Variants in TEF observed in about 807,000 individuals in gnomAD.
TEF encodes the protein TEF transcription factor, PAR bZIP family member.
Under a neutral mutation model 20.8 loss-of-function variants are expected in TEF, and 3 were observed. That is an observed-to-expected ratio of 0.14 (90% CI 0.07 to 0.37). The LOEUF (loss-of-function observed/expected upper bound fraction) is 0.37. Among genes scored for constraint, TEF ranks in the 10% least tolerant of loss-of-function variants. The pLI is 1.00. For synonymous variants in TEF, 180 were observed against 171.1 expected (o/e 1.05, Z -0.41); for missense variants, 296 against 397.9 (o/e 0.74, Z 2.18).
chr22:41,390,062 G>C (rs1370511526), intron 2 of TEF, among the ~76,000 whole-genome samples: 1 of 151,950 alleles, frequency 6.6e-6, no homozygotes, highest in Admixed American at 6.6e-5. Flanking sequence ...ACCACTCCTG[G>C]CTTATTTTTG....
upstream of TEF, among the ~76,000 whole-genome samples, chr22:41,381,413 C>G (rs1315427608): frequency 1.3e-5 from 2 of 152,316 alleles, no homozygotes; most frequent in African/African-American, 2.4e-5. Context: ...GCCCCCTCCC[C>G]CCGCGACCAG....
At chr22:41,369,119 G>C in intron 1 of TEF, 1 of 985,434 alleles carries the variant, frequency 1.0e-6, no homozygotes, top group Non-Finnish European at 1.2e-6. Flanking sequence ...GAGGCTGCCA[G>C]TGGGGCAGGG....
intron 1 of TEF, 79 bp from the exon 2 acceptor site, chr22:41,387,272 C>G: frequency 6.8e-7 from 1 of 1,480,314 alleles, no homozygotes; most frequent in Middle Eastern, 2.3e-4. Context: ...ATGGGCCAGG[C>G]CTGTGAGGCT....
At chr22:41,377,340 G>A (rs1298741512), upstream of TEF, 4 of 152,286 alleles carry the variant, frequency 2.6e-5, no homozygotes, top group South Asian at 6.2e-4. Flanking sequence ...TGCCCAGGCT[G>A]GGCTACTGTT....
At chr22:41,391,345 T>TTA in intron 2 of TEF, among the ~76,000 whole-genome samples, 2 of 151,578 alleles carry the variant, frequency 1.3e-5, no homozygotes, top group Admixed American at 6.6e-5. Flanking sequence ...TTTTTTTTTT[T>TTA]AAGACAGTCT....
chr22:41,395,129 C>T (rs2037211759), intron 3 of TEF, among the ~76,000 whole-genome samples: 1 of 152,162 alleles, frequency 6.6e-6, no homozygotes, highest in Admixed American at 6.5e-5. Context: ...GCCTCACCCT[C>T]CTGAGTAGCT....
intron 1 of TEF, among the ~76,000 whole-genome samples, chr22:41,386,915 G>A (rs919177749): frequency 1.3e-5 from 2 of 151,078 alleles, no homozygotes; most frequent in African/African-American, 2.4e-5. Flanking sequence ...ATGGTGGTGC[G>A]TACCTGTAAT....
intron 1 of TEF, chr22:41,369,351 T>A: frequency 2.7e-6 from 2 of 734,304 alleles, no homozygotes; most frequent in Non-Finnish European, 3.3e-6. Flanking sequence ...TGGCAAGCTG[T>A]GGCCGAGAAT....
chr22:41,395,157 C>T (rs2037212001), intron 3 of TEF, among the ~76,000 whole-genome samples: 1 of 152,116 alleles, frequency 6.6e-6, no homozygotes, highest in Non-Finnish European at 1.5e-5. Context: ...CAGATGTGCA[C>T]CACCACGCCG....
chr22:41,382,258 G>C, intron 1 of TEF, 57 bp downstream of exon 1: 11 of 538,578 alleles, frequency 2.0e-5, no homozygotes, highest in African/African-American at 2.1e-5. Context: ...CAGGGGCGGG[G>C]CCTCGTGAGG....
At chr22:41,390,150 A>G (rs2037148545) in intron 2 of TEF, among the ~76,000 whole-genome samples, 2 of 152,028 alleles carry the variant, frequency 1.3e-5, no homozygotes, top group African/African-American at 2.4e-5. Context: ...CTCACCTTCC[A>G]AAGTTCTGGG....
intron 1 of TEF, among the ~76,000 whole-genome samples, chr22:41,375,049 C>T (rs2036924073): frequency 6.6e-6 from 1 of 152,212 alleles, no homozygotes; most frequent in East Asian, 1.9e-4. Flanking sequence ...TCCCCTCCAG[C>T]ACGTCTTTGA....
chr22:41,395,649 A>G (rs2145993543), intron 3 of TEF, 96 bp from the exon 4 acceptor site: 2 of 1,269,450 alleles, frequency 1.6e-6, no homozygotes, highest in South Asian at 1.3e-5. Context: ...CTCTGGCCAC[A>G]CCAGATGAGT....
At chr22:41,387,694 C>T (rs2037114725) in intron 2 of TEF, 26 bp downstream of exon 2, 2 of 1,582,872 alleles carry the variant, frequency 1.3e-6, no homozygotes, top group Non-Finnish European at 1.7e-6. Context: ...TCGAGGAGGG[C>T]CACCTGTCCC....
chr22:41,368,141 G>T (rs553659908), intron 1 of TEF, among the ~76,000 whole-genome samples: 1 of 152,174 alleles, frequency 6.6e-6, no homozygotes, highest in African/African-American at 2.4e-5. Flanking sequence ...GGCAAAACGC[G>T]CGAGGGAGGA....
intron 1 of TEF, among the ~76,000 whole-genome samples, chr22:41,384,373 G>C (rs2037070688): frequency 6.6e-6 from 1 of 152,002 alleles, no homozygotes; most frequent in African/African-American, 2.4e-5. Flanking sequence ...CTTTGTGACT[G>C]AGACAATTGG....
chr22:41,368,552 C>T (rs2036846477), intron 1 of TEF, among the ~76,000 whole-genome samples: 1 of 152,194 alleles, frequency 6.6e-6, no homozygotes, highest in African/African-American at 2.4e-5. Flanking sequence ...ACAGATCCCA[C>T]AGCCCCCGGC....
chr22:41,375,521 C>T (rs1446807958), intron 1 of TEF, among the ~76,000 whole-genome samples: 4 of 152,178 alleles, frequency 2.6e-5, no homozygotes, highest in East Asian at 3.9e-4. Flanking sequence ...GAGGCCGAGG[C>T]GGGCGGATCG....
chr22:41,382,277 G>A, intron 1 of TEF, 76 bp downstream of exon 1: 2 of 1,132,108 alleles, frequency 1.8e-6, no homozygotes, highest in Non-Finnish European at 2.2e-6. Context: ...GGGCGGGGCC[G>A]GGGAGGCAGT....
Sources: gnomAD v4.1 joint callset for allele counts (sites outside exome capture counted in the v4.1 genomes callset) on GRCh38, gnomAD v4.1.1 for gene constraint, MANE v1.5 for transcripts, NCBI Gene and HGNC (gene_info 2026-07-23, HGNC 2026-07-21) for gene names.